DLG2: variants seen among roughly 807,000 people sequenced by gnomAD.
DLG2 encodes the protein disks large homolog 2.
DLG2 carries 45 observed loss-of-function variants against 132.5 expected under a neutral mutation model. The observed-to-expected ratio is 0.34, with a 90% CI of 0.27 to 0.44. The LOEUF (loss-of-function observed/expected upper bound fraction) is 0.44, where lower values mean the gene tolerates loss of function less well. Among genes scored for constraint, DLG2 ranks in the 20% least tolerant of loss-of-function variants. The pLI, the probability that DLG2 is intolerant of heterozygous loss-of-function variation, is 1.00. For missense variants in DLG2, 1,045 were observed against 1,196.9 expected (o/e 0.87, Z 1.87); for synonymous variants, 424 against 419.6 (o/e 1.01, Z -0.13).
At chr11:84,545,222 C>T (rs2099387276) in intron 6 of DLG2, 1 of 465,606 alleles carries the variant, frequency 2.1e-6, no homozygotes, top group Non-Finnish European at 4.2e-6. Flanking sequence ...TGTCCTTCAT[C>T]ACCAGAGGGG....
At chr11:84,283,059 C>A (rs1032155159) in intron 7 of DLG2, among the ~76,000 whole-genome samples, 1 of 152,260 alleles carries the variant, frequency 6.6e-6, no homozygotes, top group South Asian at 2.1e-4. Flanking sequence ...ATAGAGTAAA[C>A]TCTCTGGAGG....
intron 6 of DLG2, among the ~76,000 whole-genome samples, chr11:84,970,271 G>T (rs972974832): frequency 2.0e-5 from 3 of 152,010 alleles, no homozygotes; most frequent in Admixed American, 2.0e-4. Context: ...TTATCTTTCA[G>T]AACTTCCCCC....
chr11:85,541,277 T>G (rs946175947), intron 3 of DLG2, among the ~76,000 whole-genome samples: 9 of 152,116 alleles, frequency 5.9e-5, no homozygotes, highest in African/African-American at 2.2e-4. Context: ...ACTTATGTAT[T>G]TATAGTTTTA....
intron 11 of DLG2, among the ~76,000 whole-genome samples, chr11:84,002,991 C>G (rs1048060665): frequency 1.3e-5 from 2 of 152,174 alleles, no homozygotes; most frequent in Admixed American, 6.6e-5. Context: ...TAAGAGCACC[C>G]AGGTCACAAC....
chr11:83,862,625 A>C (rs886656443), intron 16 of DLG2, among the ~76,000 whole-genome samples: 2 of 152,178 alleles, frequency 1.3e-5, no homozygotes, highest in Non-Finnish European at 2.9e-5. Context: ...AACATAAATA[A>C]AGGATAAATG....
intron 9 of DLG2, among the ~76,000 whole-genome samples, chr11:84,133,186 T>G (rs1373173053): frequency 6.6e-6 from 1 of 152,022 alleles, no homozygotes; most frequent in Non-Finnish European, 1.5e-5. Flanking sequence ...ATAGCAATAA[T>G]ATGAGGCCAC....
At chr11:85,198,992 G>A (rs2081258217) in intron 4 of DLG2, among the ~76,000 whole-genome samples, 1 of 152,046 alleles carries the variant, frequency 6.6e-6, no homozygotes, top group Non-Finnish European at 1.5e-5. Context: ...CACATACTTT[G>A]GAGAACTAGT....
chr11:84,642,782 T>C (rs1302670081), intron 6 of DLG2, among the ~76,000 whole-genome samples: 2 of 152,136 alleles, frequency 1.3e-5, no homozygotes, highest in African/African-American at 2.4e-5. Flanking sequence ...ATAATGTGCA[T>C]TGAACAGTCA....
At chr11:83,890,968 A>G (rs559907248) in intron 15 of DLG2, among the ~76,000 whole-genome samples, 1 of 152,330 alleles carries the variant, frequency 6.6e-6, no homozygotes, top group African/African-American at 2.4e-5. Flanking sequence ...AGAAAGGAAT[A>G]TAAGAATAAT....
chr11:84,356,731 C>T (rs556988193), intron 7 of DLG2, among the ~76,000 whole-genome samples: 16 of 151,904 alleles, frequency 1.1e-4, no homozygotes, highest in South Asian at 4.2e-4. Context: ...CTACAAAGAA[C>T]GCTCAAAGGA....
chr11:83,610,186 C>G (rs999055698), intron 19 of DLG2, among the ~76,000 whole-genome samples: 1 of 152,124 alleles, frequency 6.6e-6, no homozygotes, highest in African/African-American at 2.4e-5. Context: ...TGACTAAAAC[C>G]GAGCGTGAGA....
At chr11:84,492,951 G>A (rs145501972) in intron 7 of DLG2, among the ~76,000 whole-genome samples, 70 of 152,196 alleles carry the variant, frequency 4.6e-4, no homozygotes, top group African/African-American at 1.5e-3. Flanking sequence ...CTAATGGTCA[G>A]GTTCCTGATG....
chr11:85,031,058 G>A (rs1021246504), intron 6 of DLG2, among the ~76,000 whole-genome samples: 4 of 151,816 alleles, frequency 2.6e-5, no homozygotes, highest in African/African-American at 7.2e-5. Context: ...ATTGATTTCA[G>A]AGTAATCTAT....
chr11:85,294,068 C>G (rs1027991616), intron 3 of DLG2, among the ~76,000 whole-genome samples: 2 of 151,770 alleles, frequency 1.3e-5, no homozygotes, highest in African/African-American at 4.8e-5. Flanking sequence ...ATGATGAGAA[C>G]CCGTATCTAC....
intron 6 of DLG2, among the ~76,000 whole-genome samples, chr11:85,016,550 G>A (rs1261985572): frequency 6.6e-6 from 1 of 152,054 alleles, no homozygotes; most frequent in Non-Finnish European, 1.5e-5. Flanking sequence ...CCAAATCCCA[G>A]ATAAATACTG....
chr11:85,348,700 G>C (rs1404184594), intron 3 of DLG2, among the ~76,000 whole-genome samples: 1 of 151,916 alleles, frequency 6.6e-6, no homozygotes, highest in Non-Finnish European at 1.5e-5. Flanking sequence ...AATTCTCATT[G>C]AATAGTGCAA....
chr11:83,890,231 A>C (rs1451912669), intron 15 of DLG2, among the ~76,000 whole-genome samples: 2 of 152,166 alleles, frequency 1.3e-5, no homozygotes, highest in Non-Finnish European at 2.9e-5. Flanking sequence ...ATCTAATTCA[A>C]ATTGCCCTGG....
chr11:84,015,734 C>T (rs966274309), intron 11 of DLG2, among the ~76,000 whole-genome samples: 23 of 152,166 alleles, frequency 1.5e-4, no homozygotes, highest in African/African-American at 5.5e-4. Flanking sequence ...TTTATGGCTG[C>T]ATAGCATTCC....
intron 7 of DLG2, among the ~76,000 whole-genome samples, chr11:84,315,353 T>C (rs1382529981): frequency 6.6e-6 from 1 of 152,174 alleles, no homozygotes; most frequent in African/African-American, 2.4e-5. Context: ...GTATGTTACA[T>C]CTTGGATTAA....
Sources: gnomAD v4.1 joint callset for allele counts (sites outside exome capture counted in the v4.1 genomes callset) on GRCh38, gnomAD v4.1.1 for gene constraint, MANE v1.5 for transcripts, NCBI Gene and HGNC (gene_info 2026-07-23, HGNC 2026-07-21) for gene names.